SHB: variants seen among roughly 807,000 people sequenced by gnomAD.
SHB encodes the protein SH2 domain-containing adapter protein B.
In SHB, 20 loss-of-function variants were observed where a neutral mutation model predicts 52.3. That is an observed-to-expected ratio of 0.38 (90% CI 0.27 to 0.56). The LOEUF (loss-of-function observed/expected upper bound fraction) is 0.56. SHB is among the 20% of genes least tolerant of loss of function. SHB has a pLI of 0.71. For missense variants in SHB, 825 were observed against 723.3 expected (o/e 1.14, Z -1.61); for synonymous variants, 397 against 316.5 (o/e 1.25, Z -2.70).
rs532923503 is a variant in SHB, at chr9:38,005,464, C to T, written c.838+10547G>A. On this transcript the variant is annotated intron_variant, in intron 2 of 5. Transcript: ENST00000377707. ...GAACCTGAGGCACCGGCTACATTGC[C>T]GCCACCAAGGGAGGACTCAGACCTG... Among the ~76,000 whole-genome samples the T allele has an allele frequency of 6.6e-5, 10 of 152,266 alleles. No homozygotes were observed. The South Asian group carries it at 1.5e-3, about 22-fold the overall frequency.
At chr9:38,004,055 C>G (rs1360888948) in intron 2 of SHB, among the ~76,000 whole-genome samples, 2 of 152,214 alleles carry the variant, frequency 1.3e-5, no homozygotes, top group African/African-American at 4.8e-5. Context: ...TGCCCTGCTC[C>G]TGCCTGGGCT....
chr9:38,064,175 G>A (rs967079853), intron 1 of SHB, among the ~76,000 whole-genome samples: 8 of 151,566 alleles, frequency 5.3e-5, no homozygotes, highest in Non-Finnish European at 8.8e-5. Context: ...CCAGGAGCTC[G>A]GGACCTCACC....
chr9:37,919,971 G>C lies in SHB; in HGVS notation c.1380C>G (p.Ala460=). ...CCAGAACGTATTTCTCTTTGGTTTT[G>C]GCCAGTTTCATGTGCATAAAACCCT... is the stretch of plus-strand genomic sequence containing the variant. The part of the protein sequence containing the change: ...SNQGFMHMKL[A]KTKEKYVLGQ... Residue 460 remains alanine, a synonymous_variant, in exon 6 of 6, where the codon GCC becomes GCG. Coordinates refer to ENST00000377707, the MANE Select transcript of SHB (RefSeq NM_003028.3). 1 of 1,614,014 alleles carries C rather than the reference G, an allele frequency of 6.2e-7. No homozygotes were observed.
chr9:38,063,404 C>T (rs10973657), intron 1 of SHB, among the ~76,000 whole-genome samples: 2,527 of 152,356 alleles, frequency 0.017, 33 homozygotes, highest in Non-Finnish European at 0.022. Context: ...TCTCCCACCA[C>T]ACCTGCCCTG....
chr9:37,928,530 C>CT (rs2118467670), intron 5 of SHB, among the ~76,000 whole-genome samples: 1 of 152,324 alleles, frequency 6.6e-6, no homozygotes. Flanking sequence ...GCCAGGGACG[C>CT]TGCTAAATAC....
chr9:37,995,142 G>A (rs1820932274), intron 2 of SHB, among the ~76,000 whole-genome samples: 1 of 152,162 alleles, frequency 6.6e-6, no homozygotes, highest in Non-Finnish European at 1.5e-5. Flanking sequence ...CTGGGGGAAG[G>A]GCAGGCGGGC....
At chr9:38,038,943 A>T (rs189954798) in intron 1 of SHB, among the ~76,000 whole-genome samples, 84 of 152,328 alleles carry the variant, frequency 5.5e-4, no homozygotes, top group Middle Eastern at 3.4e-3. Flanking sequence ...TGGGATCAGG[A>T]GCCCGAGGAA....
chr9:37,948,868 A>G (rs7032876), intron 4 of SHB, 114 bp from the exon 5 acceptor site: 19 of 1,382,044 alleles, frequency 1.4e-5, no homozygotes, highest in Non-Finnish European at 1.8e-5. Flanking sequence ...GCAGGCATGC[A>G]CTGGTTCATT....
intron 1 of SHB, among the ~76,000 whole-genome samples, chr9:38,031,791 G>C (rs1429326504): frequency 6.6e-6 from 1 of 152,164 alleles, no homozygotes; most frequent in African/African-American, 2.4e-5. Flanking sequence ...CAAATGCAAA[G>C]TCATAAATCA....
intron 2 of SHB, among the ~76,000 whole-genome samples, chr9:38,014,872 G>A (rs1032681357): frequency 3.3e-5 from 5 of 152,148 alleles, no homozygotes; most frequent in Admixed American, 1.3e-4. Context: ...ACATGGACCC[G>A]GCACACGCTC....
chr9:37,949,392 C>CAAA (rs771495216), intron 4 of SHB, among the ~76,000 whole-genome samples: 6 of 50,260 alleles, frequency 1.2e-4, no homozygotes, highest in African/African-American at 2.8e-4. Flanking sequence ...GACTCCATCT[C>CAAA]AAAAAAAAAA....
intron 1 of SHB, among the ~76,000 whole-genome samples, chr9:38,024,980 C>G (rs564223732): frequency 1.3e-5 from 2 of 152,322 alleles, no homozygotes; most frequent in South Asian, 4.1e-4. Context: ...CCACTGGGGA[C>G]AGAAGGCTGT....
intron 1 of SHB, among the ~76,000 whole-genome samples, chr9:38,030,953 C>CA (rs138307837): frequency 0.14 from 19,967 of 144,740 alleles, 2,247 homozygotes; most frequent in African/African-American, 0.31. Context: ...AAAAATTATA[C>CA]AAAAAAAAAA....
intron 1 of SHB, among the ~76,000 whole-genome samples, chr9:38,055,071 G>A (rs1259122435): frequency 6.6e-6 from 1 of 152,204 alleles, no homozygotes; most frequent in Admixed American, 6.5e-5. Flanking sequence ...ATCTGGGATG[G>A]GAGCCTAGGA....
At chr9:37,979,033 T>G (rs1820689803) in intron 2 of SHB, among the ~76,000 whole-genome samples, 1 of 152,216 alleles carries the variant, frequency 6.6e-6, no homozygotes, top group South Asian at 2.1e-4. Context: ...CGAAGGCCCT[T>G]GTGCCAGGCC....
intron 1 of SHB, among the ~76,000 whole-genome samples, chr9:38,029,125 T>G (rs1821382123): frequency 6.6e-6 from 1 of 152,184 alleles, no homozygotes; most frequent in South Asian, 2.1e-4. Context: ...CACCACAGCC[T>G]TTGCCTTGAA....
intron 4 of SHB, among the ~76,000 whole-genome samples, chr9:37,954,348 C>T (rs1472018847): frequency 2.0e-5 from 3 of 152,206 alleles, no homozygotes; most frequent in African/African-American, 7.2e-5. Context: ...CCAGAATCCC[C>T]AAGACAAATA....
chr9:38,065,285 G>A (rs952869433), intron 1 of SHB, among the ~76,000 whole-genome samples: 8 of 152,148 alleles, frequency 5.3e-5, no homozygotes, highest in African/African-American at 1.9e-4. Context: ...TGCTGGCCCA[G>A]GATCAGGAGG....
intron 5 of SHB, among the ~76,000 whole-genome samples, chr9:37,938,639 G>C (rs554758647): frequency 1.3e-5 from 2 of 152,174 alleles, no homozygotes; most frequent in Non-Finnish European, 2.9e-5. Context: ...GGGCTGATAC[G>C]AGACAATTAA....
Sources: allele counts gnomAD v4.1 joint callset (sites outside exome capture counted in the v4.1 genomes callset), GRCh38; gene constraint gnomAD v4.1.1; transcripts MANE v1.5; gene names NCBI Gene and HGNC (gene_info 2026-07-23, HGNC 2026-07-21).